Variants in TMEM196 observed in about 807,000 individuals in gnomAD.
TMEM196 encodes the protein transmembrane protein 196.
TMEM196 carries 17 observed loss-of-function variants against 20.0 expected under a neutral mutation model. That is an observed-to-expected ratio of 0.85 (90% CI 0.58 to 1.27). The LOEUF is 1.27. TMEM196 is among the 50% of genes most tolerant of loss of function. The probability of loss-of-function intolerance (pLI) is 0.00; values close to 1 mark genes in which losing one functional copy is unlikely to be tolerated. For synonymous variants in TMEM196, 113 were observed against 88.9 expected, an observed-to-expected ratio of 1.27 and a Z score of -1.52; for missense variants, 267 against 223.0, an observed-to-expected ratio of 1.20 and a Z score of -1.26.
At chr7:19,744,492 T>G (rs1784682426) in intron 1 of TMEM196, among the ~76,000 whole-genome samples, 1 of 152,144 alleles carries the variant, frequency 6.6e-6, no homozygotes, top group Non-Finnish European at 1.5e-5. Flanking sequence ...CCACAAAGGT[T>G]GCAGCAAGAA....
chr7:19,736,200 C>T (rs1345764901), intron 1 of TMEM196, among the ~76,000 whole-genome samples: 3 of 151,514 alleles, frequency 2.0e-5, no homozygotes, highest in African/African-American at 7.3e-5. Context: ...TGGTTCAACA[C>T]ACAAAATGCA....
chr7:19,742,389 C>T lies in TMEM196; in HGVS notation c.148-12951G>A, dbSNP rs553156017. ...CCTTTCCGAGGAAAAAGAGTATGCT[C>T]TCACAGGGAGAGTATGGTGCCCTTA... On this transcript the variant is annotated intron_variant, in intron 1 of 4. Coordinates refer to ENST00000405844, the MANE Select transcript of TMEM196 (RefSeq NM_001363562.2). Among the ~76,000 whole-genome samples, 27 of 152,168 alleles carry T rather than the reference C, an allele frequency of 1.8e-4. No individual in the cohort carries two copies. In the South Asian group the frequency reaches 2.5e-3, roughly 14 times the overall value.
chr7:19,773,162 A>T lies in TMEM196; in HGVS notation c.-466T>A, dbSNP rs1186003225. The T allele has an allele frequency of 2.0e-5, 3 of 153,512 alleles. No homozygotes were observed. The highest frequency in any genetic ancestry group is 4.3e-5 in the Non-Finnish European group (3 of 69,046). The allele number at this position is 153,512 out of a possible 1,614,324, so 9.5% of individuals were successfully genotyped here. A position where few individuals can be genotyped will look rare whatever the true frequency, so the allele number is the denominator to read the frequency against. ...CGAGGAGAGGAGCTTTGCTTCCCGG[A>T]GATCCAAAGGGAACCGCTCCGAGTT... On this transcript the variant is annotated 5_prime_UTR_variant, in exon 1 of 5. Transcript: ENST00000405844.
chr7:19,756,086 T>TTA (rs1211134361), intron 1 of TMEM196, among the ~76,000 whole-genome samples: 29 of 131,306 alleles, frequency 2.2e-4, no homozygotes, highest in African/African-American at 8.9e-4. Context: ...TTTCTTTTGA[T>TTA]CAAAAAAAAA....
At chr7:19,741,170 C>G (rs1784571477) in intron 1 of TMEM196, among the ~76,000 whole-genome samples, 1 of 152,210 alleles carries the variant, frequency 6.6e-6, no homozygotes, top group East Asian at 1.9e-4. Context: ...ATCTAAGAAA[C>G]CATTTCAAAC....
intron 1 of TMEM196, among the ~76,000 whole-genome samples, chr7:19,741,079 C>G (rs532939246): frequency 6.6e-6 from 1 of 152,184 alleles, no homozygotes; most frequent in South Asian, 2.1e-4. Flanking sequence ...GATAGTCTCT[C>G]GACCCTCTAG....
At chr7:19,744,135 G>A (rs143043399) in intron 1 of TMEM196, among the ~76,000 whole-genome samples, 407 of 152,276 alleles carry the variant, frequency 2.7e-3, no homozygotes, top group South Asian at 0.013. Flanking sequence ...TTTAAGAATA[G>A]TTATGAATGG....
intron 4 of TMEM196, among the ~76,000 whole-genome samples, chr7:19,723,025 A>G (rs1332697879): frequency 1.3e-5 from 2 of 150,350 alleles, no homozygotes; most frequent in South Asian, 2.1e-4. Flanking sequence ...AACAGAGCAG[A>G]AAAAAAAAAT....
chr7:19,749,833 A>G (rs1405825983), intron 1 of TMEM196, among the ~76,000 whole-genome samples: 2 of 152,184 alleles, frequency 1.3e-5, no homozygotes, highest in African/African-American at 4.8e-5. Flanking sequence ...CTGCAGTGGA[A>G]ATTAGAGTGT....
At chr7:19,727,953 T>C (rs1583417988) in intron 2 of TMEM196, among the ~76,000 whole-genome samples, 1 of 152,228 alleles carries the variant, frequency 6.6e-6, no homozygotes, top group African/African-American at 2.4e-5. Context: ...ATGTAGAAAA[T>C]ATTGATAGTT....
intron 1 of TMEM196, among the ~76,000 whole-genome samples, chr7:19,744,202 G>C (rs1784671669): frequency 6.6e-6 from 1 of 152,094 alleles, no homozygotes; most frequent in African/African-American, 2.4e-5. Flanking sequence ...AGCTTTCTCT[G>C]GATAAACAGG....
chr7:19,725,628 G>C lies in TMEM196; in HGVS notation c.345C>G (p.Ile115Met), dbSNP rs750398997. The change falls in exon 3 of 5, where the codon ATC becomes ATG. Residue 115 changes from isoleucine to methionine, a missense_variant. Physicochemically the swap from Ile to Met is conservative, Grantham distance 10 (BLOSUM62 1). Transcript: ENST00000405844. ...GCCAGGAAGAGAGAGTGCAGCCCCC[G>C]ATCCCAATGCACGCGAGAGACATGG... ...LASMSLACIG[I>M]GGCTLSSWLT... is the part of the protein sequence containing the mutation. 1 of 1,614,120 alleles carries C rather than the reference G, an allele frequency of 6.2e-7. No individual in the cohort carries two copies. The highest frequency in any genetic ancestry group is 1.1e-5 in the South Asian group (1 of 91,082).
chr7:19,749,629 A>G (rs145063303), intron 1 of TMEM196, among the ~76,000 whole-genome samples: 47 of 152,334 alleles, frequency 3.1e-4, no homozygotes, highest in African/African-American at 8.9e-4. Flanking sequence ...ACAAATGAAC[A>G]TATCCATCAT....
intron 1 of TMEM196, among the ~76,000 whole-genome samples, chr7:19,771,009 G>T (rs1785852813): frequency 2.0e-5 from 3 of 151,854 alleles, no homozygotes; most frequent in Non-Finnish European, 4.4e-5. Context: ...GATATCATAA[G>T]ATCACCTTTT....
chr7:19,772,896 T>C lies in TMEM196; in HGVS notation c.-200A>G. On this transcript the variant is annotated 5_prime_UTR_variant, in exon 1 of 5. Transcript: ENST00000405844. ...GCTGGGCCAGAGGCAAAGGAGCTGCTCCACCCCCTGGCACGTTCAGATAGG... is the reference window on the plus strand; with the variant it reads ...GCTGGGCCAGAGGCAAAGGAGCTGCCCCACCCCCTGGCACGTTCAGATAGG... 2.3e-6 allele frequency: 1 copy of C among 435,300 alleles called. No individual in the cohort carries two copies. Among genetic ancestry groups the C allele is most frequent in the Non-Finnish European group, 3.9e-6 (1 of 255,226 alleles). 27.0% of individuals were successfully genotyped at this position (435,300 alleles called of 1,614,324 possible).
chr7:19,728,530 C>G (rs1212235008), intron 2 of TMEM196, among the ~76,000 whole-genome samples: 1 of 152,022 alleles, frequency 6.6e-6, no homozygotes, highest in Non-Finnish European at 1.5e-5. Context: ...AAAAAGGGGT[C>G]AAATAAAAAT....
intron 1 of TMEM196, among the ~76,000 whole-genome samples, chr7:19,760,496 G>C (rs56127587): frequency 6.6e-6 from 1 of 151,120 alleles, no homozygotes; most frequent in Non-Finnish European, 1.5e-5. Context: ...AAGTAGCCGG[G>C]ATTACAGACA....
chr7:19,758,855 A>G (rs1407170422), intron 1 of TMEM196, among the ~76,000 whole-genome samples: 1 of 152,142 alleles, frequency 6.6e-6, no homozygotes, highest in Non-Finnish European at 1.5e-5. Context: ...TGACTTAGTC[A>G]TACTTTAGCC....
chr7:19,759,988 G>C (rs1211371451), intron 1 of TMEM196, among the ~76,000 whole-genome samples: 1 of 151,994 alleles, frequency 6.6e-6, no homozygotes, highest in African/African-American at 2.4e-5. Flanking sequence ...TCCATTTCCT[G>C]CTCAAAAGTT....
Sources: gnomAD v4.1 joint callset for allele counts (sites outside exome capture counted in the v4.1 genomes callset) on GRCh38, gnomAD v4.1.1 for gene constraint, MANE v1.5 for transcripts, NCBI Gene and HGNC (gene_info 2026-07-23, HGNC 2026-07-21) for gene names.